The following SCAF8 variants were observed in gnomAD, a reference collection of about 807,000 sequenced individuals.
SCAF8 encodes the protein SR-related CTD associated factor 8, also known as SR-related and CTD-associated factor 8.
In SCAF8, 23 loss-of-function variants were observed where a neutral mutation model predicts 140.5. That is an observed-to-expected ratio of 0.16 (90% CI 0.12 to 0.23). The LOEUF (loss-of-function observed/expected upper bound fraction) is 0.23. SCAF8 is among the 10% of genes least tolerant of loss of function. The pLI is 1.00. For synonymous variants in SCAF8, 575 were observed against 528.9 expected (o/e 1.09, Z -1.20); for missense variants, 1,397 against 1,555.7 (o/e 0.90, Z 1.72).
chr6:154,737,515 A>AAAC (rs1046826441), intron 1 of SCAF8, among the ~76,000 whole-genome samples: 10 of 152,052 alleles, frequency 6.6e-5, no homozygotes, highest in South Asian at 4.2e-4. Flanking sequence ...CATCTCTACA[A>AAAC]AACAACAACA....
rs45499697 is a variant in SCAF8, at chr6:154,832,731, G to A, written c.3152G>A (p.Arg1051Gln). 6.4e-5 allele frequency: 103 copies of A among 1,613,908 alleles called. No individual in the cohort carries two copies. Among genetic ancestry groups the A allele is most frequent in the Non-Finnish European group, 8.3e-5 (98 of 1,179,952 alleles). The change falls in exon 20 of 20, where the codon CGG (arginine) becomes CAG (glutamine). Residue 1051 changes from arginine (R) to glutamine (Q), a missense_variant. Physicochemically the swap from Arg to Gln is conservative, Grantham distance 43. Coordinates refer to ENST00000367178, the MANE Select transcript of SCAF8 (RefSeq NM_014892.5). The stretch of plus-strand genomic sequence containing the variant: ...ATAGATCCAAGAGAAGGTCCTGGAC[G>A]GCCTCCACTAGATGGTAGGGATCAT... Reference protein sequence around the residue: ...RPIDPREGPGRPPLDGRDHFG... With the variant: ...RPIDPREGPGQPPLDGRDHFG...
At position 154,833,468 on chromosome 6, in the gene SCAF8, C is replaced by T. The variant is rs1232691378; in HGVS notation, c.*73C>T. On this transcript the variant is annotated 3_prime_UTR_variant, in exon 20 of 20. Transcript: ENST00000367178. ...CTGTAATAGATAATGGCTGACTGGA[C>T]CATAGTTGTTCACTTTTGTCTGCCA... 1 of 1,399,442 alleles carries T rather than the reference C, an allele frequency of 7.1e-7. No individual in the cohort carries two copies. The highest frequency in any genetic ancestry group is 9.7e-7 in the Non-Finnish European group (1 of 1,027,254). The allele number at this position is 1,399,442 out of a possible 1,614,324, so 86.7% of individuals were successfully genotyped here.
chr6:154,754,398 T>C (rs1197784895), intron 1 of SCAF8, among the ~76,000 whole-genome samples: 1 of 152,210 alleles, frequency 6.6e-6, no homozygotes, highest in Non-Finnish European at 1.5e-5. Context: ...GTGAACTTTT[T>C]GTTTTGTTTT....
At position 154,800,849 on chromosome 6, in the gene SCAF8, TGTG is replaced by T. The variant is rs1223219918; in HGVS notation, c.607-1119_607-1117del. On this transcript the variant is annotated intron_variant, in intron 6 of 19. Coordinates refer to ENST00000367178, the MANE Select transcript of SCAF8 (RefSeq NM_014892.5). ...AATTATAGAATTAGTAATTTTATTTTGTGGTAATATTTTGGAAACAATTCATAA... is the reference window on the plus strand; with the variant it reads ...AATTATAGAATTAGTAATTTTATTTTGTAATATTTTGGAAACAATTCATAA... 9.2e-5 allele frequency among the ~76,000 whole-genome samples: 14 copies of T among 151,666 alleles called. No individual in the cohort carries two copies. The East Asian group carries it at 9.6e-4, about 10-fold the overall frequency.
At chr6:154,736,968 C>T (rs955101334) in intron 1 of SCAF8, among the ~76,000 whole-genome samples, 8 of 149,576 alleles carry the variant, frequency 5.3e-5, no homozygotes, top group African/African-American at 1.5e-4. Flanking sequence ...CAGAAAAATA[C>T]TTTTTTTTTT....
intron 1 of SCAF8, among the ~76,000 whole-genome samples, chr6:154,751,136 T>C (rs1015954461): frequency 6.6e-6 from 1 of 152,214 alleles, no homozygotes; most frequent in Non-Finnish European, 1.5e-5. Flanking sequence ...ATCACAAACA[T>C]GTTATGCATT....
intron 8 of SCAF8, among the ~76,000 whole-genome samples, chr6:154,804,920 T>G (rs1004909773): frequency 6.6e-6 from 1 of 152,168 alleles, no homozygotes; most frequent in African/African-American, 2.4e-5. Flanking sequence ...AGGAAGAATA[T>G]TAGTTTTATA....
rs540474867 is a variant in SCAF8 at position 154,777,327 on chromosome 6, C to T, written c.115-674C>T. ...TATACGCTAAATTTATAATTTATTT[C>T]AAGTTTATTCATAGTGCTATATTTT... On this transcript the variant is annotated intron_variant, in intron 2 of 19. Transcript: ENST00000367178. Among the ~76,000 whole-genome samples the T allele has an allele frequency of 5.3e-5, 8 of 152,228 alleles. No individual in the cohort carries two copies. The East Asian group carries it at 1.5e-3, about 29-fold the overall frequency.
intron 1 of SCAF8, among the ~76,000 whole-genome samples, chr6:154,744,054 G>A (rs531237447): frequency 5.3e-5 from 8 of 152,302 alleles, no homozygotes; most frequent in African/African-American, 1.9e-4. Context: ...CAGCACTTTG[G>A]GAGGCCAAGG....
rs745576504 is a variant in SCAF8, at chr6:154,833,309, A to G, written c.3730A>G (p.Asn1244Asp). ...PELYEKLTSS[N>D]EINKEKSDTV... ...ACTTTATGAAAAACTGACATCTTCA[A>G]ATGAAATAAACAAGGAGAAGAGTGA... The change falls in exon 20 of 20, where the codon AAT becomes GAT. Residue 1244 changes from asparagine to aspartate, a missense_variant. Asn to Asp is a conservative substitution (Grantham distance 23, BLOSUM62 1). Around this residue, in one of 5 missense-constraint regions of SCAF8, gnomAD observed 930 missense variants for 874.6 expected, o/e 1.06. Coordinates refer to ENST00000367178, the MANE Select transcript of SCAF8 (RefSeq NM_014892.5). The G allele has an allele frequency of 6.4e-5, 103 of 1,613,922 alleles. No individual in the cohort carries two copies. Among genetic ancestry groups the G allele is most frequent in the Non-Finnish European group, 7.7e-5 (91 of 1,179,964 alleles).
chr6:154,827,216 A>G lies in SCAF8; in HGVS notation c.2116A>G (p.Thr706Ala), dbSNP rs202156492. ...TCCCCCACCTGTTGTGCCACCCCCT[A>G]CGATTCCACCAGTAGTACCAACATG... Reference protein sequence around the residue: ...PVPPPVVPPPTIPPVVPTSLV... With the variant: ...PVPPPVVPPPAIPPVVPTSLV... The change falls in exon 18 of 20, where the codon ACG (threonine) becomes GCG (alanine). Residue 706 changes from threonine (T) to alanine (A), a missense_variant. Coordinates refer to ENST00000367178, the MANE Select transcript of SCAF8 (RefSeq NM_014892.5). 18 of 1,604,052 alleles carry G rather than the reference A, an allele frequency of 1.1e-5. No individual in the cohort carries two copies. The highest frequency in any genetic ancestry group is 1.7e-4 in the Middle Eastern group (1 of 6,058).
At position 154,805,416 on chromosome 6, in the gene SCAF8, C is replaced by G. The variant is rs753143829; in HGVS notation, c.911C>G (p.Ala304Gly). The G allele has an allele frequency of 4.3e-6, 7 of 1,611,920 alleles. 1 individual carries two copies. In the Admixed American group the frequency reaches 8.3e-5, roughly 19 times the overall value. The change falls in exon 9 of 20, where the codon GCA (alanine) becomes GGA (glycine). Residue 304 changes from alanine to glycine, a missense_variant. Transcript: ENST00000367178. ...SVNNSIFHQIAEQLQQQNLEH... is the reference protein window; with the variant it reads ...SVNNSIFHQIGEQLQQQNLEH... The stretch of plus-strand genomic sequence containing the variant: ...AACAATTCCATTTTTCATCAGATAG[C>G]AGAACAACTACAACAGCAAAACCTA...
chr6:154,808,832 G>A, intron 11 of SCAF8, 34 bp downstream of exon 11: 1 of 1,381,966 alleles, frequency 7.2e-7, no homozygotes, highest in South Asian at 1.2e-5. Context: ...AGCCGTGTGT[G>A]AACTTTAAAA....
chr6:154,778,147 G>C (rs1776969742), intron 3 of SCAF8, 102 bp downstream of exon 3: 1 of 621,826 alleles, frequency 1.6e-6, no homozygotes, highest in Admixed American at 3.5e-5. Context: ...TTGATGGACT[G>C]TTAAAAAGTG....
intron 1 of SCAF8, among the ~76,000 whole-genome samples, chr6:154,741,266 T>A (rs1778560980): frequency 6.6e-6 from 1 of 152,254 alleles, no homozygotes; most frequent in South Asian, 2.1e-4. Context: ...TATAAAAAAA[T>A]TTTAGGCATG....
rs1194495685 is a variant in SCAF8 at position 154,832,719 on chromosome 6, A to G, written c.3140A>G (p.Glu1047Gly). The change falls in exon 20 of 20, where the codon GAA becomes GGA. Residue 1047 changes from glutamate (E) to glycine (G), a missense_variant. Transcript: ENST00000367178. ...GTTGGGCGGCCTATAGATCCAAGAG[A>G]AGGTCCTGGACGGCCTCCACTAGAT... ...DVVGRPIDPR[E>G]GPGRPPLDGR... is the part of the protein sequence containing the mutation. 20 of 1,613,774 alleles carry G rather than the reference A, an allele frequency of 1.2e-5. No individual in the cohort carries two copies. Among genetic ancestry groups the G allele is most frequent in the Non-Finnish European group, 1.6e-5 (19 of 1,179,960 alleles).
intron 18 of SCAF8, among the ~76,000 whole-genome samples, chr6:154,829,269 C>T (rs1778658679): frequency 6.7e-6 from 1 of 149,406 alleles, no homozygotes; most frequent in South Asian, 2.1e-4. Context: ...GGGATATGCA[C>T]TCTAGCTTAC....
Position 154,832,396 on chromosome 6 carries a change from C to A in SCAF8, c.2817C>A (p.Phe939Leu). The A allele has an allele frequency of 6.2e-7, 1 of 1,614,108 alleles. No individual in the cohort carries two copies. The highest frequency in any genetic ancestry group is 1.1e-5 in the South Asian group (1 of 91,080). ...GLIPQAPGPR[F>L]PLIQPGIPPQ... The stretch of plus-strand genomic sequence containing the variant: ...TACCACAGGCACCTGGGCCAAGATT[C>A]CCTTTAATACAGCCTGGAATTCCAC... Residue 939 changes from phenylalanine (F) to leucine (L), a missense_variant, in exon 20 of 20, where the codon TTC becomes TTA. By Grantham distance (22) the Phe-to-Leu change is conservative. This residue lies in a region of SCAF8 where 930 missense variants were observed against 874.6 expected (regional missense o/e 1.06). Coordinates refer to ENST00000367178, the MANE Select transcript of SCAF8 (RefSeq NM_014892.5).
In SCAF8 at chr6:154,733,604, G is replaced by A. The variant is rs1393183890; in HGVS notation, c.-297G>A. The stretch of plus-strand genomic sequence containing the variant: ...CCGAAACGGAGCGGGGCAGAGAAGA[G>A]AAGGCGCCGCGGCCCAGCCCCTCCC... On this transcript the variant is annotated 5_prime_UTR_variant, in exon 1 of 20. Transcript: ENST00000367178. The A allele has an allele frequency of 7.7e-7, 1 of 1,291,156 alleles. No individual in the cohort carries two copies. The highest frequency in any genetic ancestry group is 9.8e-7 in the Non-Finnish European group (1 of 1,023,362). 80.0% of individuals were successfully genotyped at this position (1,291,156 alleles called of 1,614,324 possible).
Sources: allele counts gnomAD v4.1 joint callset (sites outside exome capture counted in the v4.1 genomes callset), GRCh38; gene constraint gnomAD v4.1.1; regional missense constraint gnomAD v4.1.1; transcripts MANE v1.5; gene names NCBI Gene and HGNC (gene_info 2026-07-23, HGNC 2026-07-21).